The following PRKX variants were observed in gnomAD, a reference collection of about 807,000 sequenced individuals.
PRKX encodes the protein cAMP-dependent protein kinase catalytic subunit PRKX.
Under a neutral mutation model 22.0 loss-of-function variants are expected in PRKX, and 12 were observed. The ratio of observed to expected loss-of-function variants is 0.54; its 90% CI spans 0.35 to 0.88. The LOEUF is 0.88. PRKX is among the 40% of genes least tolerant of loss of function. The probability of loss-of-function intolerance (pLI) is 0.01; values close to 1 mark genes in which losing one functional copy is unlikely to be tolerated. For missense variants in PRKX, 217 were observed against 308.0 expected, an observed-to-expected ratio of 0.70 and a Z score of 2.21; for synonymous variants, 134 against 137.7, an observed-to-expected ratio of 0.97 and a Z score of 0.19.
chrX:3,671,594 C>T (rs1312790136), intron 2 of PRKX, among the ~76,000 whole-genome samples: 3 of 111,798 alleles, frequency 2.7e-5, no homozygotes, highest in South Asian at 3.8e-4. Context: ...AACCAGCACT[C>T]GGAGGAGCCG....
intron 3 of PRKX, among the ~76,000 whole-genome samples, chrX:3,645,837 G>A (rs1361956384): frequency 8.9e-6 from 1 of 112,470 alleles, no homozygotes; most frequent in Non-Finnish European, 1.9e-5. Flanking sequence ...AGGAGGCTGA[G>A]GGAGGAGGAT....
intron 3 of PRKX, among the ~76,000 whole-genome samples, chrX:3,646,480 G>T (rs1927190567): frequency 9.0e-6 from 1 of 111,544 alleles, no homozygotes; most frequent in African/African-American, 3.3e-5. Flanking sequence ...AAGGACAGCT[G>T]ATTACAGCTT....
At chrX:3,637,974 C>G (rs1045475726) in intron 4 of PRKX, among the ~76,000 whole-genome samples, 3 of 110,278 alleles carry the variant, frequency 2.7e-5, no homozygotes, top group African/African-American at 9.9e-5. Flanking sequence ...TTTGGCCAGG[C>G]TGGTCTCGAA....
At chrX:3,646,924 C>A (rs752391788) in intron 3 of PRKX, among the ~76,000 whole-genome samples, 2 of 110,543 alleles carry the variant, frequency 1.8e-5, no homozygotes, top group Non-Finnish European at 3.8e-5. Context: ...CACAGTAATA[C>A]CCACGTCCTA....
rs141750592 is a variant in PRKX, at chrX:3,685,439, C to T, written c.167-10673G>A. 5.1e-3 allele frequency among the ~76,000 whole-genome samples: 571 copies of T among 111,361 alleles called. 5 individuals are homozygous for T. Among genetic ancestry groups the T allele is most frequent in the African/African-American group, 0.018 (535 of 30,559 alleles). ...AAAGCTGTGTGACCTTGACAAGCCC[C>T]CTAACCTCTCTAAAATTCATCTACC... On this transcript the variant is annotated intron_variant, in intron 1 of 8. Transcript: ENST00000262848.
At chrX:3,668,927 C>T (rs1427454602) in intron 2 of PRKX, among the ~76,000 whole-genome samples, 1 of 112,721 alleles carries the variant, frequency 8.9e-6, no homozygotes, top group African/African-American at 3.2e-5. Context: ...ACAATAAACA[C>T]TGGACAATGT....
At chrX:3,650,954 GTC>G (rs1266523238) in intron 3 of PRKX, among the ~76,000 whole-genome samples, 2 of 108,190 alleles carry the variant, frequency 1.8e-5, no homozygotes, top group Non-Finnish European at 3.8e-5. Flanking sequence ...TTCTGTAGTG[GTC>G]CACGATACAG....
At chrX:3,634,252 GA>G (rs1376295806) in intron 4 of PRKX, among the ~76,000 whole-genome samples, 1 of 106,889 alleles carries the variant, frequency 9.4e-6, no homozygotes, top group African/African-American at 3.4e-5. Flanking sequence ...TCCCTCTAAA[GA>G]AAAAAAATAA....
intron 3 of PRKX, among the ~76,000 whole-genome samples, chrX:3,642,242 CA>C (rs757466441): frequency 5.6e-5 from 6 of 106,615 alleles, no homozygotes; most frequent in Middle Eastern, 4.7e-3. Flanking sequence ...TACTCAGAAG[CA>C]AAAAAAAACC....
At chrX:3,674,899 G>C (rs1927919489) in intron 1 of PRKX, 133 bp from the exon 2 acceptor site, 2 of 727,130 alleles carry the variant, frequency 2.8e-6, no homozygotes, top group Non-Finnish European at 4.2e-6. Flanking sequence ...CAGAGACTTT[G>C]TGTCATGGTG....
At chrX:3,671,099 C>T (rs1927837814) in intron 2 of PRKX, among the ~76,000 whole-genome samples, 2 of 111,014 alleles carry the variant, frequency 1.8e-5, no homozygotes, top group African/African-American at 6.6e-5. Context: ...TGCAGTGGCA[C>T]GATCTTGGCT....
intron 2 of PRKX, among the ~76,000 whole-genome samples, chrX:3,659,181 T>C (rs1314657451): frequency 9.2e-6 from 1 of 108,714 alleles, no homozygotes; most frequent in Non-Finnish European, 1.9e-5. Context: ...AGCCCAGGAA[T>C]TGGAGGCTGC....
chrX:3,687,904 T>C (rs1928209960), intron 1 of PRKX, among the ~76,000 whole-genome samples: 1 of 111,776 alleles, frequency 8.9e-6, no homozygotes, highest in Non-Finnish European at 1.9e-5. Context: ...GGTGGCTACA[T>C]GGAAAATACA....
intron 3 of PRKX, among the ~76,000 whole-genome samples, chrX:3,648,606 C>CTGTGTGTGTGTG (rs58698248): frequency 0.03 from 2,148 of 72,064 alleles, 61 homozygotes; most frequent in Admixed American, 0.038. Context: ...CTCTCTACTC[C>CTGTGTGTGTGTG]TGTGTGTGTG....
intron 1 of PRKX, among the ~76,000 whole-genome samples, chrX:3,710,460 C>T (rs1928767168): frequency 8.9e-6 from 1 of 111,747 alleles, no homozygotes; most frequent in African/African-American, 3.3e-5. Context: ...CAACCTCTGC[C>T]TCCTGGGTGC....
intron 4 of PRKX, among the ~76,000 whole-genome samples, chrX:3,630,438 T>C (rs1284143388): frequency 9.0e-6 from 1 of 111,257 alleles, no homozygotes; most frequent in Non-Finnish European, 1.9e-5. Context: ...CGGGCGCCTG[T>C]AATCCCAGCC....
At position 3,680,292 on chromosome X, in the gene PRKX, C is replaced by T. The variant is rs185352987; in HGVS notation, c.167-5526G>A. Among the ~76,000 whole-genome samples the T allele has an allele frequency of 5.6e-3, 618 of 110,587 alleles. 4 individuals carry two copies. The highest frequency in any genetic ancestry group is 0.019 in the African/African-American group (568 of 30,372). On this transcript the variant is annotated intron_variant, in intron 1 of 8. Transcript: ENST00000262848. ...CAAAGTAGCTGGGATTACCGGTGCC[C>T]GCCACCCCGCCTGGCTAATTTTTGT...
intron 1 of PRKX, among the ~76,000 whole-genome samples, chrX:3,689,959 A>G (rs1298866740): frequency 9.0e-6 from 1 of 111,480 alleles, no homozygotes; most frequent in Non-Finnish European, 1.9e-5. Flanking sequence ...CCTGCGTGAC[A>G]GAGCAAGACT....
intron 1 of PRKX, among the ~76,000 whole-genome samples, chrX:3,709,203 A>AAG (rs1555898894): frequency 2.8e-5 from 3 of 106,524 alleles, no homozygotes; most frequent in African/African-American, 1.0e-4. Context: ...AAAAAAAAAA[A>AAG]GCTGAACGAG....
Sources: gnomAD v4.1 joint callset for allele counts (sites outside exome capture counted in the v4.1 genomes callset) on GRCh38, gnomAD v4.1.1 for gene constraint, MANE v1.5 for transcripts, NCBI Gene and HGNC (gene_info 2026-07-23, HGNC 2026-07-21) for gene names.